Variants in MAGI1 observed in about 807,000 individuals in gnomAD.
MAGI1 encodes membrane associated guanylate kinase, WW and PDZ domain containing 1, also known as membrane-associated guanylate kinase, WW and PDZ domain-containing protein 1.
Under a neutral mutation model 139.9 loss-of-function variants are expected in MAGI1, and 58 were observed. That is an observed-to-expected ratio of 0.41 (90% CI 0.34 to 0.52). The LOEUF (loss-of-function observed/expected upper bound fraction) is 0.52. Ranked by LOEUF, MAGI1 falls within the 20% of genes least tolerant of loss-of-function variation. The pLI is 0.12. For missense variants in MAGI1, 1,874 were observed against 1,901.6 expected (o/e 0.99, Z 0.27); for synonymous variants, 812 against 737.9 (o/e 1.10, Z -1.63).
At chr3:65,376,438 T>C (rs1236651712) in intron 17 of MAGI1, among the ~76,000 whole-genome samples, 2 of 152,222 alleles carry the variant, frequency 1.3e-5, no homozygotes, top group African/African-American at 4.8e-5. Context: ...ACTGGGCATC[T>C]GGTGAGGCAT....
At chr3:65,410,384 C>A (rs1945700101) in intron 12 of MAGI1, among the ~76,000 whole-genome samples, 1 of 152,200 alleles carries the variant, frequency 6.6e-6, no homozygotes, top group Non-Finnish European at 1.5e-5. Flanking sequence ...GGTCAAGTAA[C>A]ATGGCCAATG....
At chr3:65,977,299 C>T (rs911051617) in intron 1 of MAGI1, among the ~76,000 whole-genome samples, 6 of 152,200 alleles carry the variant, frequency 3.9e-5, no homozygotes, top group Admixed American at 2.6e-4. Context: ...GAGGACTCCA[C>T]TTGACTTCAT....
intron 1 of MAGI1, chr3:65,688,489 C>A: frequency 2.2e-6 from 1 of 455,698 alleles, no homozygotes. Flanking sequence ...ACTCCCTTTC[C>A]TACCCAAGGG....
intron 1 of MAGI1, among the ~76,000 whole-genome samples, chr3:65,706,677 G>T (rs1482171657): frequency 6.6e-6 from 1 of 152,068 alleles, no homozygotes; most frequent in African/African-American, 2.4e-5. Context: ...GATGTGGAGG[G>T]GAAATGGAAA....
At chr3:65,928,636 C>A (rs1047921452) in intron 1 of MAGI1, among the ~76,000 whole-genome samples, 2 of 152,122 alleles carry the variant, frequency 1.3e-5, no homozygotes, top group African/African-American at 2.4e-5. Context: ...GACTAAAATT[C>A]TATAGTACAT....
intron 1 of MAGI1, among the ~76,000 whole-genome samples, chr3:65,641,643 C>A (rs1405942523): frequency 3.3e-5 from 5 of 152,080 alleles, no homozygotes; most frequent in African/African-American, 4.8e-5. Context: ...GAGAGTGGTA[C>A]GGGAGTGAAG....
intron 1 of MAGI1, among the ~76,000 whole-genome samples, chr3:65,700,725 C>T (rs774505033): frequency 2.0e-5 from 3 of 152,168 alleles, no homozygotes; most frequent in South Asian, 2.1e-4. Flanking sequence ...TGTAACACGT[C>T]GTATAAGAAA....
chr3:65,356,481 C>T lies in MAGI1; in HGVS notation c.4286G>A (p.Arg1429Lys), dbSNP rs757626815. 2 of 1,611,916 alleles carry T rather than the reference C, an allele frequency of 1.2e-6. No individual in the cohort carries two copies. The highest frequency in any genetic ancestry group is 1.7e-6 in the Non-Finnish European group (2 of 1,179,994). Residue 1429 changes from arginine (R) to lysine (K), a missense_variant, in exon 23 of 23, where the codon AGG becomes AAG. Arg to Lys is a conservative substitution (Grantham distance 26). Transcript: ENST00000402939. Reference sequence around the variant, plus strand: ...ATCCTGTTTCAGATTCGCCTCTTCCCTTTCTCGGTGGCTGGCTCTGTCCTC... The same window carrying T: ...ATCCTGTTTCAGATTCGCCTCTTCCTTTTCTCGGTGGCTGGCTCTGTCCTC... Reference protein sequence around the residue: ...NREDRASHREREEANLKQDAG... With the variant: ...NREDRASHREKEEANLKQDAG...
intron 2 of MAGI1, among the ~76,000 whole-genome samples, chr3:65,496,609 G>A (rs1285678631): frequency 4.6e-5 from 7 of 152,196 alleles, no homozygotes; most frequent in Middle Eastern, 3.4e-3. Context: ...GGTATTAAGC[G>A]CCACATGCAT....
At chr3:65,562,971 T>A (rs2080433403) in intron 2 of MAGI1, among the ~76,000 whole-genome samples, 1 of 152,216 alleles carries the variant, frequency 6.6e-6, no homozygotes, top group Admixed American at 6.5e-5. Context: ...TACTTATAAT[T>A]CAGTGTCTAT....
intron 20 of MAGI1, among the ~76,000 whole-genome samples, chr3:65,364,036 G>A (rs776897916): frequency 3.3e-5 from 5 of 151,820 alleles, no homozygotes; most frequent in Non-Finnish European, 5.9e-5. Context: ...AAAGCCCCCA[G>A]GCAACCAGTA....
intron 1 of MAGI1, among the ~76,000 whole-genome samples, chr3:65,947,739 C>T (rs1438863304): frequency 3.3e-5 from 5 of 151,988 alleles, no homozygotes; most frequent in African/African-American, 1.2e-4. Context: ...ACATCAGCCT[C>T]CTGAGTAGCT....
chr3:65,932,097 C>T (rs2062831822), intron 1 of MAGI1, among the ~76,000 whole-genome samples: 1 of 152,118 alleles, frequency 6.6e-6, no homozygotes, highest in Non-Finnish European at 1.5e-5. Flanking sequence ...GACACAAATG[C>T]TTACAAATAT....
chr3:65,833,949 G>A (rs1393554482), intron 1 of MAGI1, among the ~76,000 whole-genome samples: 4 of 152,178 alleles, frequency 2.6e-5, no homozygotes, highest in Non-Finnish European at 5.9e-5. Context: ...TAGATTACTA[G>A]TACACATGAC....
intron 16 of MAGI1, among the ~76,000 whole-genome samples, 164 bp downstream of exon 16, chr3:65,381,713 T>C (rs568237426): frequency 3.3e-5 from 5 of 152,150 alleles, no homozygotes; most frequent in Non-Finnish European, 7.4e-5. Context: ...ATGACAGTAA[T>C]TTTTGCAGGG....
At chr3:65,954,207 T>G (rs2064001912) in intron 1 of MAGI1, among the ~76,000 whole-genome samples, 1 of 152,120 alleles carries the variant, frequency 6.6e-6, no homozygotes, top group Non-Finnish European at 1.5e-5. Context: ...ATTTTCAAGA[T>G]TTTGGGTAAT....
chr3:65,891,768 T>C (rs1228575886), intron 1 of MAGI1, among the ~76,000 whole-genome samples: 2 of 142,896 alleles, frequency 1.4e-5, no homozygotes, highest in African/African-American at 5.1e-5. Context: ...GGGATAGCTT[T>C]AGGAGATATA....
chr3:65,418,552 ATCT>A, intron 12 of MAGI1, among the ~76,000 whole-genome samples: 1 of 152,158 alleles, frequency 6.6e-6, no homozygotes, highest in South Asian at 2.1e-4. Context: ...GTTGCATCCC[ATCT>A]TCTTCCCCTT....
At chr3:65,701,496 G>A (rs61139906) in intron 1 of MAGI1, among the ~76,000 whole-genome samples, 7 of 152,086 alleles carry the variant, frequency 4.6e-5, no homozygotes, top group East Asian at 1.9e-4. Flanking sequence ...CAAGTGATCC[G>A]CCTGCCTCGA....
Sources: gnomAD v4.1 joint callset for allele counts (sites outside exome capture counted in the v4.1 genomes callset) on GRCh38, gnomAD v4.1.1 for gene constraint, MANE v1.5 for transcripts, NCBI Gene and HGNC (gene_info 2026-07-23, HGNC 2026-07-21) for gene names.